The following OPCML variants were observed in gnomAD, a reference collection of about 807,000 sequenced individuals.
The protein encoded by OPCML is opioid-binding protein/cell adhesion molecule.
Under a neutral mutation model 37.8 loss-of-function variants are expected in OPCML, and 13 were observed. The ratio of observed to expected loss-of-function variants is 0.34; its 90% CI spans 0.22 to 0.55. The LOEUF is 0.55. OPCML is among the 20% of genes least tolerant of loss of function. OPCML has a pLI of 0.91. For synonymous variants in OPCML, 176 were observed against 168.8 expected (o/e 1.04, Z -0.33); for missense variants, 341 against 435.6 (o/e 0.78, Z 1.93).
intron 1 of OPCML, among the ~76,000 whole-genome samples, chr11:133,402,359 C>T (rs1277310517): frequency 6.6e-6 from 1 of 152,162 alleles, no homozygotes; most frequent in Non-Finnish European, 1.5e-5. Flanking sequence ...TCCTACCTCT[C>T]AACATTGTTG....
intron 2 of OPCML, among the ~76,000 whole-genome samples, chr11:132,698,118 C>T (rs960737022): frequency 4.0e-5 from 6 of 151,892 alleles, no homozygotes; most frequent in African/African-American, 1.4e-4. Context: ...ATGTGGGCTA[C>T]CACACCCAGC....
intron 1 of OPCML, among the ~76,000 whole-genome samples, chr11:133,243,189 C>G (rs935677341): frequency 2.6e-5 from 4 of 152,136 alleles, no homozygotes; most frequent in Non-Finnish European, 4.4e-5. Context: ...GTTTCTAACA[C>G]CAGTTACAAC....
intron 1 of OPCML, among the ~76,000 whole-genome samples, chr11:133,278,966 G>A (rs765772048): frequency 2.0e-5 from 3 of 152,126 alleles, no homozygotes; most frequent in African/African-American, 4.8e-5. Context: ...ATTACATCCC[G>A]AGCATGTTCA....
intron 1 of OPCML, among the ~76,000 whole-genome samples, chr11:133,019,555 T>C (rs948904224): frequency 6.6e-5 from 10 of 152,310 alleles, no homozygotes; most frequent in South Asian, 4.1e-4. Context: ...ATTATGTTCA[T>C]TGGGTTTGGG....
chr11:132,721,266 T>C (rs1944662849), intron 2 of OPCML, among the ~76,000 whole-genome samples: 1 of 152,172 alleles, frequency 6.6e-6, no homozygotes, highest in Non-Finnish European at 1.5e-5. Context: ...GTTTTGGATG[T>C]CTGCATGCTG....
chr11:133,221,646 C>T (rs1370271645), intron 1 of OPCML, among the ~76,000 whole-genome samples: 1 of 152,046 alleles, frequency 6.6e-6, no homozygotes, highest in Non-Finnish European at 1.5e-5. Context: ...GAGGGGTGCA[C>T]GGGGAGGAGG....
intron 2 of OPCML, among the ~76,000 whole-genome samples, chr11:132,874,649 G>A (rs1942942765): frequency 6.6e-6 from 1 of 152,152 alleles, no homozygotes; most frequent in Admixed American, 6.5e-5. Context: ...AATCAGAATA[G>A]ACAGGTAAAA....
chr11:133,258,763 C>T (rs1592146803), intron 1 of OPCML, among the ~76,000 whole-genome samples: 1 of 152,120 alleles, frequency 6.6e-6, no homozygotes, highest in Middle Eastern at 3.4e-3. Flanking sequence ...ATCTAAGTAC[C>T]CCCAGCTACC....
At chr11:132,496,236 G>A (rs1223377574) in intron 4 of OPCML, among the ~76,000 whole-genome samples, 1 of 152,190 alleles carries the variant, frequency 6.6e-6, no homozygotes, top group African/African-American at 2.4e-5. Flanking sequence ...TAAACGGATG[G>A]ATGTGAAAGT....
chr11:133,330,342 A>G (rs1943587549), intron 1 of OPCML, among the ~76,000 whole-genome samples: 1 of 152,226 alleles, frequency 6.6e-6, no homozygotes, highest in African/African-American at 2.4e-5. Flanking sequence ...CTGGGTGTAT[A>G]CCCAAAGGAT....
intron 1 of OPCML, among the ~76,000 whole-genome samples, chr11:133,181,616 A>G (rs755449515): frequency 3.3e-5 from 5 of 152,148 alleles, no homozygotes; most frequent in African/African-American, 4.8e-5. Context: ...GATCTCAGCT[A>G]CTGACACTGT....
At chr11:132,919,629 A>T (rs902134980) in intron 2 of OPCML, among the ~76,000 whole-genome samples, 2 of 152,184 alleles carry the variant, frequency 1.3e-5, no homozygotes, top group African/African-American at 2.4e-5. Flanking sequence ...GAACAGAACC[A>T]TCGGAATCAG....
intron 1 of OPCML, among the ~76,000 whole-genome samples, chr11:133,326,886 G>A (rs564784416): frequency 2.1e-5 from 3 of 145,960 alleles, no homozygotes; most frequent in East Asian, 4.3e-4. Context: ...GGGTGTATAA[G>A]TGAGGGAGGT....
At chr11:133,163,136 T>C (rs1469358871) in intron 1 of OPCML, among the ~76,000 whole-genome samples, 1 of 152,216 alleles carries the variant, frequency 6.6e-6, no homozygotes, top group Non-Finnish European at 1.5e-5. Flanking sequence ...TCTTAATATG[T>C]TTCTTGTGTT....
chr11:133,329,528 C>T (rs566761644), intron 1 of OPCML, among the ~76,000 whole-genome samples: 7 of 152,160 alleles, frequency 4.6e-5, no homozygotes, highest in Admixed American at 6.5e-5. Context: ...GAAATAATGC[C>T]GCATATCTAC....
intron 1 of OPCML, among the ~76,000 whole-genome samples, chr11:133,108,105 T>C (rs1400354468): frequency 6.6e-6 from 1 of 152,194 alleles, no homozygotes; most frequent in African/African-American, 2.4e-5. Context: ...GGGTTCACTT[T>C]AGATCAAGAC....
chr11:133,077,181 C>T (rs1343346041), intron 1 of OPCML, among the ~76,000 whole-genome samples: 2 of 151,836 alleles, frequency 1.3e-5, no homozygotes, highest in Non-Finnish European at 2.9e-5. Context: ...TAGAACTCAA[C>T]CCTGCCTGGA....
intron 1 of OPCML, among the ~76,000 whole-genome samples, chr11:133,356,749 G>A (rs765733127): frequency 1.1e-4 from 17 of 152,146 alleles, no homozygotes; most frequent in African/African-American, 4.1e-4. Context: ...ACAAATTCAC[G>A]GTGTCACAGG....
chr11:132,782,838 T>C (rs569440573), intron 2 of OPCML, among the ~76,000 whole-genome samples: 2 of 149,314 alleles, frequency 1.3e-5, no homozygotes, highest in South Asian at 4.2e-4. Flanking sequence ...TATATCTCTA[T>C]ATAAATATAT....
Sources: allele counts gnomAD v4.1 joint callset (sites outside exome capture counted in the v4.1 genomes callset), GRCh38; gene constraint gnomAD v4.1.1; transcripts MANE v1.5; gene names NCBI Gene and HGNC (gene_info 2026-07-23, HGNC 2026-07-21).